Variants in SEMA3C observed in about 807,000 individuals in gnomAD.
The protein encoded by SEMA3C is semaphorin 3C, also known as semaphorin-3C.
SEMA3C carries 47 observed loss-of-function variants against 89.4 expected under a neutral mutation model. The ratio of observed to expected loss-of-function variants is 0.53; its 90% CI spans 0.42 to 0.67. SEMA3C has a LOEUF of 0.67. Among genes scored for constraint, SEMA3C ranks in the 30% least tolerant of loss-of-function variants. The pLI is 0.00. For synonymous variants in SEMA3C, 310 were observed against 320.2 expected (o/e 0.97, Z 0.34); for missense variants, 839 against 929.1 (o/e 0.90, Z 1.26).
At chr7:80,845,484 C>A (rs1471712099) in intron 2 of SEMA3C, among the ~76,000 whole-genome samples, 3 of 152,058 alleles carry the variant, frequency 2.0e-5, no homozygotes, top group African/African-American at 7.2e-5. Flanking sequence ...CAGCGAATGG[C>A]ACCAGCATCC....
intron 2 of SEMA3C, among the ~76,000 whole-genome samples, chr7:80,845,238 G>C (rs1050087878): frequency 1.3e-5 from 2 of 152,094 alleles, no homozygotes; most frequent in African/African-American, 4.8e-5. Flanking sequence ...TTGGAAATGG[G>C]AGACAAAAGG....
chr7:80,801,518 C>T (rs951900000), intron 9 of SEMA3C, among the ~76,000 whole-genome samples: 14 of 151,968 alleles, frequency 9.2e-5, no homozygotes, highest in African/African-American at 3.1e-4. Flanking sequence ...AATTAATAAT[C>T]AATTGCCATG....
In SEMA3C at chr7:80,776,439, T is replaced by C. The variant is rs561595634; in HGVS notation, c.1355-11196A>G. Reference sequence around the variant, plus strand: ...TTTCTGTTTCTTTATAAAATCTGAATATAGTATTTGCCCTACACACCTGAC... The same window carrying C: ...TTTCTGTTTCTTTATAAAATCTGAACATAGTATTTGCCCTACACACCTGAC... On this transcript the variant is annotated intron_variant, in intron 12 of 17. Coordinates refer to ENST00000265361, the MANE Select transcript of SEMA3C (RefSeq NM_006379.5). 1.4e-4 allele frequency among the ~76,000 whole-genome samples: 22 copies of C among 152,238 alleles called. 1 individual carries two copies. In the South Asian group the frequency reaches 4.6e-3, roughly 32 times the overall value.
chr7:80,751,930 T>G (rs905044068), intron 15 of SEMA3C, among the ~76,000 whole-genome samples: 1 of 152,182 alleles, frequency 6.6e-6, no homozygotes, highest in East Asian at 1.9e-4. Flanking sequence ...AAAGTACAGA[T>G]ATGAGTAAAA....
At chr7:80,915,900 T>C (rs571124488) in intron 2 of SEMA3C, among the ~76,000 whole-genome samples, 1 of 152,286 alleles carries the variant, frequency 6.6e-6, no homozygotes, top group Middle Eastern at 3.4e-3. Context: ...ATAAATGACC[T>C]TGATTGGCAG....
At chr7:80,888,076 A>G (rs1791524449) in intron 2 of SEMA3C, among the ~76,000 whole-genome samples, 1 of 152,158 alleles carries the variant, frequency 6.6e-6, no homozygotes, top group Non-Finnish European at 1.5e-5. Flanking sequence ...CCCTTAAACT[A>G]TGAAAACTCA....
rs117009432 is a variant in SEMA3C, at chr7:80,809,063, C to T, written c.538+1548G>A. 6.3e-3 allele frequency among the ~76,000 whole-genome samples: 964 copies of T among 152,228 alleles called. 48 individuals are homozygous for T. The East Asian group carries it at 0.11, about 18-fold the overall frequency. On this transcript the variant is annotated intron_variant, in intron 6 of 17. Transcript: ENST00000265361. ...AAGTGCTGGGATTACAGGCATGAAC[C>T]ACTGTGCCCGGCTAACTCAGACATA...
rs778028169 is a variant in SEMA3C, at chr7:80,798,079, C to G, written c.1131+13G>C. 5.7e-6 allele frequency: 9 copies of G among 1,591,332 alleles called. No individual in the cohort carries two copies. Among genetic ancestry groups the G allele is most frequent in the African/African-American group, 1.4e-5 (1 of 73,004 alleles). On this transcript the variant is annotated intron_variant, in intron 11 of 17. Transcript: ENST00000265361. ...TAAAGCATCATAACAAAGAATTTTC[C>G]CTGGATACTTACAGTTCCAGGGCGA...
chr7:80,875,335 T>C (rs920376845), intron 2 of SEMA3C, among the ~76,000 whole-genome samples: 1 of 152,182 alleles, frequency 6.6e-6, no homozygotes, highest in African/African-American at 2.4e-5. Flanking sequence ...AAAGGGCATA[T>C]AGAAGCTTAC....
At chr7:80,853,878 T>A (rs1790572693) in intron 2 of SEMA3C, among the ~76,000 whole-genome samples, 1 of 150,758 alleles carries the variant, frequency 6.6e-6, no homozygotes, top group Non-Finnish European at 1.5e-5. Context: ...AAATATCTTA[T>A]GTACCCCATA....
At chr7:80,805,067 A>C (rs1789306273) in intron 7 of SEMA3C, among the ~76,000 whole-genome samples, 1 of 151,942 alleles carries the variant, frequency 6.6e-6, no homozygotes, top group Admixed American at 6.6e-5. Flanking sequence ...ATTCCATATG[A>C]CTCCAAGAGC....
At chr7:80,796,463 C>A (rs1011292293) in intron 11 of SEMA3C, 2 of 152,234 alleles carry the variant, frequency 1.3e-5, no homozygotes, top group African/African-American at 4.8e-5. Context: ...ACTGCAAGCT[C>A]CCCTCCCGGG....
In SEMA3C at chr7:80,860,757, G is replaced by A. The variant is rs113144275; in HGVS notation, c.104-32012C>T. Among the ~76,000 whole-genome samples, 37 of 152,238 alleles carry A rather than the reference G, an allele frequency of 2.4e-4. 1 individual carries two copies. In the South Asian group the frequency reaches 6.8e-3, roughly 28 times the overall value. On this transcript the variant is annotated intron_variant, in intron 2 of 17. Transcript: ENST00000265361. ...ATCAAAAGGCATGAACAGCGAAGAC[G>A]AGGCCACCCACACAAACATCTGTTT... is the stretch of plus-strand genomic sequence containing the variant.
chr7:80,794,419 A>G (rs73370900), intron 11 of SEMA3C, among the ~76,000 whole-genome samples: 5,059 of 152,130 alleles, frequency 0.033, 167 homozygotes, highest in Admixed American at 0.076. Flanking sequence ...TATGCATTCA[A>G]TTTTCTTAGA....
rs1787732927 is a variant in SEMA3C at position 80,743,689 on chromosome 7, T to C, written c.*1205A>G. The stretch of plus-strand genomic sequence containing the variant: ...CTAACATACAATTAGGAGATAATTA[T>C]TTTATTCATCACAAAATTTACTACT... On this transcript the variant is annotated 3_prime_UTR_variant, in exon 18 of 18. Coordinates refer to ENST00000265361, the MANE Select transcript of SEMA3C (RefSeq NM_006379.5). The C allele has an allele frequency of 6.6e-6, 1 of 151,912 alleles. No individual in the cohort carries two copies. Among genetic ancestry groups the C allele is most frequent in the Non-Finnish European group, 1.5e-5 (1 of 67,838 alleles). 9.4% of individuals were successfully genotyped at this position (151,912 alleles called of 1,614,324 possible). A position where few individuals can be genotyped will look rare whatever the true frequency, so the allele number is the denominator to read the frequency against.
chr7:80,893,945 G>C (rs889012623), intron 2 of SEMA3C, among the ~76,000 whole-genome samples: 1 of 152,154 alleles, frequency 6.6e-6, no homozygotes. Flanking sequence ...TGAATGAAAG[G>C]TAACTGAAGA....
intron 11 of SEMA3C, among the ~76,000 whole-genome samples, chr7:80,795,267 G>T (rs912111597): frequency 8.5e-5 from 13 of 152,140 alleles, no homozygotes; most frequent in African/African-American, 2.9e-4. Flanking sequence ...ATGGTGTTTT[G>T]CTGGTTGAAG....
intron 2 of SEMA3C, among the ~76,000 whole-genome samples, chr7:80,887,771 T>C (rs1026749027): frequency 6.6e-6 from 1 of 152,096 alleles, no homozygotes; most frequent in Admixed American, 6.6e-5. Context: ...TGGGAAAAAA[T>C]CTTAAAAGAC....
intron 5 of SEMA3C, among the ~76,000 whole-genome samples, chr7:80,812,778 T>A (rs1223476396): frequency 1.3e-5 from 2 of 151,798 alleles, no homozygotes; most frequent in African/African-American, 4.8e-5. Flanking sequence ...CATGTTTTTG[T>A]TGTTGTTGTT....
Sources: allele counts gnomAD v4.1 joint callset (sites outside exome capture counted in the v4.1 genomes callset), GRCh38; gene constraint gnomAD v4.1.1; transcripts MANE v1.5; gene names NCBI Gene and HGNC (gene_info 2026-07-23, HGNC 2026-07-21).